Variants in MAGI2 observed in about 807,000 individuals in gnomAD.
MAGI2 encodes membrane associated guanylate kinase, WW and PDZ domain containing 2.
MAGI2 carries 35 observed loss-of-function variants against 133.3 expected under a neutral mutation model. That is an observed-to-expected ratio of 0.26 (90% CI 0.20 to 0.35). The LOEUF (loss-of-function observed/expected upper bound fraction) is 0.35. Among genes scored for constraint, MAGI2 ranks in the 10% least tolerant of loss-of-function variants. The pLI, the probability that MAGI2 is intolerant of heterozygous loss-of-function variation, is 1.00. For synonymous variants in MAGI2, 729 were observed against 710.6 expected, an observed-to-expected ratio of 1.03 and a Z score of -0.41; for missense variants, 1,636 against 1,863.4, an observed-to-expected ratio of 0.88 and a Z score of 2.25.
At chr7:78,584,884 TA>T (rs1803239058) in intron 3 of MAGI2, among the ~76,000 whole-genome samples, 1 of 152,204 alleles carries the variant, frequency 6.6e-6, no homozygotes, top group Non-Finnish European at 1.5e-5. Context: ...TCCTTATCTA[TA>T]AAATGAAGAT....
rs3085587 is a variant in MAGI2 at position 78,162,357 on chromosome 7, C to CAA, written c.2597-2086_2597-2085dup. ...TGAAACCCCGTCTCTACTAAAAATACAAAAAAAAAAAAAAAAATTTAGCTG... is the reference window on the plus strand; with the variant it reads ...TGAAACCCCGTCTCTACTAAAAATACAAAAAAAAAAAAAAAAAAATTTAGCTG... On this transcript the variant is annotated intron_variant, in intron 15 of 21. Coordinates refer to ENST00000354212, the MANE Select transcript of MAGI2 (RefSeq NM_012301.4). Among the ~76,000 whole-genome samples the CAA allele has an allele frequency of 1.5e-3, 202 of 137,070 alleles. 1 individual carries two copies. Among genetic ancestry groups the CAA allele is most frequent in the Middle Eastern group, 7.1e-3 (2 of 282 alleles). 89.9% of individuals were successfully genotyped at this position (137,070 alleles called of 152,430 possible).
At chr7:78,776,449 G>A (rs1583844400) in intron 2 of MAGI2, among the ~76,000 whole-genome samples, 2 of 152,244 alleles carry the variant, frequency 1.3e-5, no homozygotes, top group African/African-American at 4.8e-5. Context: ...CTTTTGGCAG[G>A]CAGAAAGTAG....
intron 1 of MAGI2, among the ~76,000 whole-genome samples, chr7:79,187,828 G>A (rs1827299607): frequency 6.6e-6 from 1 of 151,808 alleles, no homozygotes; most frequent in Admixed American, 6.6e-5. Flanking sequence ...GACTGTTTGG[G>A]ATTGCCACTC....
chr7:78,805,608 G>A (rs1277370742), intron 2 of MAGI2, among the ~76,000 whole-genome samples: 4 of 152,184 alleles, frequency 2.6e-5, no homozygotes, highest in African/African-American at 7.2e-5. Flanking sequence ...CCCTTGTATA[G>A]TTCATTTGCA....
At chr7:78,885,717 A>G (rs1615237) in intron 2 of MAGI2, among the ~76,000 whole-genome samples, 58,092 of 151,642 alleles carry the variant, frequency 0.38, 12,535 homozygotes, top group South Asian at 0.58. Context: ...TTGAAATTTT[A>G]ATTTACTATA....
chr7:78,349,971 C>T (rs1791330059), intron 7 of MAGI2, among the ~76,000 whole-genome samples: 3 of 152,178 alleles, frequency 2.0e-5, no homozygotes, highest in Admixed American at 6.5e-5. Context: ...CCATACAGAA[C>T]AAGAAGCTGG....
intron 2 of MAGI2, among the ~76,000 whole-genome samples, chr7:78,923,963 G>A (rs932638968): frequency 3.3e-5 from 5 of 152,140 alleles, no homozygotes; most frequent in Admixed American, 6.6e-5. Context: ...GCAATTGTGA[G>A]TGGGAGTTCA....
Position 79,453,381 on chromosome 7 carries a change from G to C in MAGI2, c.-61C>G, listed in dbSNP as rs1849433623. ...TTGGGGTTAGGGGGGCTGGTGGTGA[G>C]AGAATGAGGATGGAGGAGCAAGGGG... On this transcript the variant is annotated 5_prime_UTR_variant, in exon 1 of 22. Coordinates refer to ENST00000354212, the MANE Select transcript of MAGI2 (RefSeq NM_012301.4). 12 of 1,533,322 alleles carry C rather than the reference G, an allele frequency of 7.8e-6. No individual in the cohort carries two copies. The highest frequency in any genetic ancestry group is 2.3e-5 in the East Asian group (1 of 44,094). 95.0% of individuals were successfully genotyped at this position (1,533,322 alleles called of 1,614,324 possible).
At chr7:78,562,249 CT>C (rs1486802896) in intron 3 of MAGI2, among the ~76,000 whole-genome samples, 3 of 152,122 alleles carry the variant, frequency 2.0e-5, no homozygotes, top group Non-Finnish European at 2.9e-5. Flanking sequence ...ATTAACTTTT[CT>C]TGTTTTATTA....
chr7:78,828,427 C>T (rs1385763159), intron 2 of MAGI2, among the ~76,000 whole-genome samples: 1 of 152,076 alleles, frequency 6.6e-6, no homozygotes, highest in African/African-American at 2.4e-5. Flanking sequence ...CTACCCTAAC[C>T]ATGAAACAAA....
intron 1 of MAGI2, among the ~76,000 whole-genome samples, chr7:79,275,495 C>T (rs1300776912): frequency 1.3e-5 from 2 of 152,130 alleles, no homozygotes; most frequent in Non-Finnish European, 2.9e-5. Flanking sequence ...AGGATGTAAA[C>T]CATTTCAATA....
intron 2 of MAGI2, among the ~76,000 whole-genome samples, chr7:78,832,002 C>A (rs976140022): frequency 6.6e-6 from 1 of 152,138 alleles, no homozygotes; most frequent in Admixed American, 6.5e-5. Context: ...GCAGAAAGAG[C>A]GAATCAGTGT....
chr7:78,060,789 T>C (rs181599134), intron 21 of MAGI2, among the ~76,000 whole-genome samples: 2 of 152,278 alleles, frequency 1.3e-5, no homozygotes, highest in African/African-American at 4.8e-5. Context: ...CTGGAACACA[T>C]CTATGTAATG....
At chr7:78,542,637 C>T (rs996444578) in intron 3 of MAGI2, among the ~76,000 whole-genome samples, 3 of 152,086 alleles carry the variant, frequency 2.0e-5, no homozygotes, top group Non-Finnish European at 2.9e-5. Flanking sequence ...GGCCAAAGCA[C>T]AGCAAGCATG....
chr7:78,950,015 C>T (rs1801740500), intron 2 of MAGI2, among the ~76,000 whole-genome samples: 2 of 152,272 alleles, frequency 1.3e-5, no homozygotes, highest in East Asian at 1.9e-4. Flanking sequence ...GCCAAACTTT[C>T]CTTAGAACTC....
intron 9 of MAGI2, among the ~76,000 whole-genome samples, chr7:78,322,339 A>G (rs1297082704): frequency 6.6e-6 from 1 of 152,228 alleles, no homozygotes; most frequent in Admixed American, 6.5e-5. Context: ...TATTTACAAT[A>G]GCAAAGACTT....
At chr7:79,448,879 T>C (rs1849041901) in intron 1 of MAGI2, among the ~76,000 whole-genome samples, 1 of 152,122 alleles carries the variant, frequency 6.6e-6, no homozygotes, top group Non-Finnish European at 1.5e-5. Flanking sequence ...AATAATCATA[T>C]TTAACATTCG....
At chr7:78,285,710 G>T (rs1249613896) in intron 9 of MAGI2, 2 of 152,134 alleles carry the variant, frequency 1.3e-5, no homozygotes, top group Non-Finnish European at 2.9e-5. Context: ...TGAGATACCT[G>T]GGATCTTGTT....
At chr7:78,804,260 A>G (rs1160358760) in intron 2 of MAGI2, among the ~76,000 whole-genome samples, 1 of 152,120 alleles carries the variant, frequency 6.6e-6, no homozygotes, top group Non-Finnish European at 1.5e-5. Context: ...GCATAGTAGT[A>G]TAAGTGGGGA....
Sources: allele counts gnomAD v4.1 joint callset (sites outside exome capture counted in the v4.1 genomes callset), GRCh38; gene constraint gnomAD v4.1.1; transcripts MANE v1.5; gene names NCBI Gene and HGNC (gene_info 2026-07-23, HGNC 2026-07-21).